The following GNB1 variants were observed in gnomAD, a reference collection of about 807,000 sequenced individuals.
The protein encoded by GNB1 is G protein subunit beta 1.
A neutral mutation model predicts 42.9 loss-of-function variants in GNB1; 2 were observed. That is an observed-to-expected ratio of 0.05 (90% confidence interval 0.02 to 0.15). The LOEUF is 0.15. Among genes scored for constraint, GNB1 ranks in the 10% least tolerant of loss-of-function variants. The probability of loss-of-function intolerance (pLI) is 1.00; values close to 1 mark genes in which losing one functional copy is unlikely to be tolerated. For missense variants in GNB1, 193 were observed against 462.2 expected (o/e 0.42, Z 5.34); for synonymous variants, 183 against 174.7 (o/e 1.05, Z -0.38).
At chr1:1,885,771 G>T (rs1486952425) in intron 1 of GNB1, among the ~76,000 whole-genome samples, 1 of 150,152 alleles carries the variant, frequency 6.7e-6, no homozygotes, top group Non-Finnish European at 1.5e-5. Flanking sequence ...TGTTAGCCAG[G>T]ATGGTCTCAA....
intron 1 of GNB1, among the ~76,000 whole-genome samples, chr1:1,859,599 C>A (rs1648502932): frequency 6.7e-6 from 1 of 149,022 alleles, no homozygotes; most frequent in Admixed American, 6.9e-5. Context: ...CCAACGGAGA[C>A]TGATTGGCAG....
chr1:1,803,654 C>T (rs1646655648), intron 7 of GNB1, among the ~76,000 whole-genome samples: 1 of 152,138 alleles, frequency 6.6e-6, no homozygotes, highest in Admixed American at 6.6e-5. Flanking sequence ...AAACTTCTGG[C>T]CATTACTGTG....
At chr1:1,798,858 C>G (rs563891486) in intron 7 of GNB1, among the ~76,000 whole-genome samples, 7 of 152,142 alleles carry the variant, frequency 4.6e-5, no homozygotes, top group African/African-American at 1.7e-4. Flanking sequence ...CATGCCACCA[C>G]ATCCAACTAG....
intron 6 of GNB1, 122 bp downstream of exon 6, chr1:1,806,353 A>C (rs1262339896): frequency 1.6e-6 from 1 of 624,818 alleles, no homozygotes; most frequent in African/African-American, 1.8e-5. Flanking sequence ...ACTACTAACA[A>C]ACAGAGCTTG....
chr1:1,791,262 C>G (rs1327219967), intron 8 of GNB1, among the ~76,000 whole-genome samples: 1 of 151,560 alleles, frequency 6.6e-6, no homozygotes, highest in Non-Finnish European at 1.5e-5. Context: ...ACCTCCGCCT[C>G]CCGAGTTCAA....
At chr1:1,867,004 C>T (rs1254092557) in intron 1 of GNB1, among the ~76,000 whole-genome samples, 2 of 152,086 alleles carry the variant, frequency 1.3e-5, no homozygotes, top group African/African-American at 2.4e-5. Flanking sequence ...CAGTGGCTCA[C>T]GCCTATAATC....
chr1:1,846,731 T>C (rs578068211), intron 1 of GNB1, among the ~76,000 whole-genome samples: 34 of 152,270 alleles, frequency 2.2e-4, no homozygotes, highest in African/African-American at 7.5e-4. Context: ...ACTAAATTTT[T>C]TGTTTCTTTA....
At chr1:1,874,840 G>A (rs1649452649) in intron 1 of GNB1, among the ~76,000 whole-genome samples, 1 of 151,942 alleles carries the variant, frequency 6.6e-6, no homozygotes, top group Non-Finnish European at 1.5e-5. Flanking sequence ...GTTCTGTGAA[G>A]CATCCAGAAT....
chr1:1,842,293 G>T (rs888766959), intron 1 of GNB1, among the ~76,000 whole-genome samples: 2 of 152,188 alleles, frequency 1.3e-5, no homozygotes, highest in Admixed American at 6.5e-5. Context: ...AGCCGGGCAT[G>T]GTGGCGGGCG....
chr1:1,796,965 G>A (rs935047896), intron 7 of GNB1, among the ~76,000 whole-genome samples: 2 of 152,160 alleles, frequency 1.3e-5, no homozygotes, highest in African/African-American at 2.4e-5. Flanking sequence ...TGTCAGCAGA[G>A]GTGCCTCAAG....
chr1:1,797,104 C>G (rs963445303), intron 7 of GNB1, among the ~76,000 whole-genome samples: 2 of 152,176 alleles, frequency 1.3e-5, no homozygotes, highest in African/African-American at 4.8e-5. Context: ...GAAGGACACA[C>G]AAGCGTGGCC....
At chr1:1,847,556 A>C (rs1647735777) in intron 1 of GNB1, among the ~76,000 whole-genome samples, 1 of 152,216 alleles carries the variant, frequency 6.6e-6, no homozygotes, top group Admixed American at 6.5e-5. Flanking sequence ...TATGGAAAGA[A>C]TTGTCAATGC....
chr1:1,885,280 G>C (rs1368931457), intron 1 of GNB1, among the ~76,000 whole-genome samples: 1 of 150,876 alleles, frequency 6.6e-6, no homozygotes, highest in Non-Finnish European at 1.5e-5. Context: ...AGGCATGGTG[G>C]CGGGCACCTG....
chr1:1,870,422 C>CA (rs1384876813), intron 1 of GNB1, among the ~76,000 whole-genome samples: 1 of 152,178 alleles, frequency 6.6e-6, no homozygotes, highest in Non-Finnish European at 1.5e-5. Context: ...GGGATCCTCG[C>CA]AACTCAGCCT....
chr1:1,825,340 T>C, intron 3 of GNB1, 57 bp downstream of exon 3: 1 of 1,209,248 alleles, frequency 8.3e-7, no homozygotes, highest in South Asian at 1.2e-5. Context: ...CTAAAACAAG[T>C]AACATCTAAC....
At chr1:1,816,821 G>T (rs903070598) in intron 4 of GNB1, among the ~76,000 whole-genome samples, 1 of 151,666 alleles carries the variant, frequency 6.6e-6, no homozygotes, top group African/African-American at 2.4e-5. Context: ...GCTAATTTTT[G>T]TATTTTAGTA....
Position 1,871,026 on chromosome 1 carries a change from C to T in GNB1, c.-96+19794G>A, listed in dbSNP as rs1649218283. ...TCCTTCTCTGAGCCCTCTAGAGCAA[C>T]CTTCTTTAAGTCGTATCTACACAGG... On this transcript the variant is annotated intron_variant, in intron 1 of 11. Coordinates refer to ENST00000378609, the MANE Select transcript of GNB1 (RefSeq NM_002074.5). Among the ~76,000 whole-genome samples the T allele has an allele frequency of 2.0e-5, 3 of 151,900 alleles. No individual in the cohort carries two copies. The South Asian group carries it at 6.2e-4, about 32-fold the overall frequency.
chr1:1,862,665 G>A (rs1648699292), intron 1 of GNB1, among the ~76,000 whole-genome samples: 1 of 151,932 alleles, frequency 6.6e-6, no homozygotes, highest in Non-Finnish European at 1.5e-5. Context: ...CCCCCATGTT[G>A]CCTAGGCTGG....
intron 1 of GNB1, among the ~76,000 whole-genome samples, chr1:1,852,704 A>T (rs1235006501): frequency 6.6e-6 from 1 of 150,914 alleles, no homozygotes; most frequent in African/African-American, 2.4e-5. Flanking sequence ...AAAAAAAGTG[A>T]ATGTCTTGTG....
Sources: gnomAD v4.1 joint callset for allele counts (sites outside exome capture counted in the v4.1 genomes callset) on GRCh38, gnomAD v4.1.1 for gene constraint, MANE v1.5 for transcripts, NCBI Gene and HGNC (gene_info 2026-07-23, HGNC 2026-07-21) for gene names.